The following CA5A variants were observed in gnomAD, a reference collection of about 807,000 sequenced individuals.
The protein encoded by CA5A is carbonic anhydrase 5A, mitochondrial.
Under a neutral mutation model 37.1 loss-of-function variants are expected in CA5A, and 28 were observed. The ratio of observed to expected loss-of-function variants is 0.75; its 90% CI spans 0.56 to 1.03. The LOEUF (loss-of-function observed/expected upper bound fraction) is 1.03. CA5A is among the 50% of genes least tolerant of loss of function. CA5A has a pLI of 0.00. For synonymous variants in CA5A, 171 were observed against 158.4 expected (o/e 1.08, Z -0.60); for missense variants, 444 against 399.9 (o/e 1.11, Z -0.94).
chr16:87,923,981 A>G (rs996572093), intron 2 of CA5A: 10 of 985,122 alleles, frequency 1.0e-5, no homozygotes, highest in Non-Finnish European at 1.1e-5. Context: ...TAACCACATT[A>G]AAACTGAAAA....
At chr16:87,918,098 C>G (rs2056179693) in intron 2 of CA5A, among the ~76,000 whole-genome samples, 1 of 152,224 alleles carries the variant, frequency 6.6e-6, no homozygotes, top group Admixed American at 6.5e-5. Context: ...CCTAGAGCCT[C>G]CTCCTCTGAT....
chr16:87,891,384 C>A (rs1453442959), intron 6 of CA5A, among the ~76,000 whole-genome samples: 1 of 151,384 alleles, frequency 6.6e-6, no homozygotes, highest in Non-Finnish European at 1.5e-5. Context: ...AGGAGAATCG[C>A]TTGAACCCAG....
intron 6 of CA5A, among the ~76,000 whole-genome samples, chr16:87,889,760 A>G (rs569828905): frequency 1.8e-4 from 28 of 152,270 alleles, no homozygotes; most frequent in Middle Eastern, 3.4e-3. Flanking sequence ...AAGAAGAGGG[A>G]AACTCCATCT....
chr16:87,892,546 TAATAATAATA>T (rs2055733758), intron 5 of CA5A, among the ~76,000 whole-genome samples: 3 of 134,660 alleles, frequency 2.2e-5, no homozygotes, highest in Non-Finnish European at 3.2e-5. Flanking sequence ...ATAATAATAA[TAATAATAATA>T]AATTAATTAA....
intron 1 of CA5A, among the ~76,000 whole-genome samples, chr16:87,930,438 A>T (rs1054065322): frequency 4.6e-5 from 7 of 152,126 alleles, no homozygotes; most frequent in Admixed American, 1.3e-4. Flanking sequence ...TGTTCTTTGT[A>T]GACCAGTGGC....
intron 1 of CA5A, among the ~76,000 whole-genome samples, chr16:87,928,525 T>C (rs2056346550): frequency 6.6e-6 from 1 of 152,166 alleles, no homozygotes; most frequent in Non-Finnish European, 1.5e-5. Context: ...GTGTATATTA[T>C]CTTGTAAGTT....
chr16:87,888,508 G>A (rs188855169), intron 6 of CA5A, among the ~76,000 whole-genome samples: 13 of 152,280 alleles, frequency 8.5e-5, no homozygotes, highest in African/African-American at 2.4e-4. Context: ...CATATTGGGA[G>A]GGTACTCAAG....
Position 87,891,788 on chromosome 16 carries a change from G to T in CA5A, c.774+11C>A. On this transcript the variant is annotated intron_variant, in intron 6 of 6. Coordinates refer to ENST00000649794, the MANE Select transcript of CA5A (RefSeq NM_001739.2). The stretch of plus-strand genomic sequence containing the variant: ...TGAAGCGCCATCGTGCCAGTTACGG[G>T]CACGGCTCACCTGGCTTGGGGCCAC... 6.7e-7 allele frequency: 1 copy of T among 1,492,336 alleles called. No individual in the cohort carries two copies. The highest frequency in any genetic ancestry group is 8.9e-7 in the Non-Finnish European group (1 of 1,124,376). The allele number at this position is 1,492,336 out of a possible 1,614,324, so 92.4% of individuals were successfully genotyped here.
chr16:87,917,734 T>G (rs182147902), intron 2 of CA5A, among the ~76,000 whole-genome samples: 1 of 124,228 alleles, frequency 8.0e-6, no homozygotes, highest in Non-Finnish European at 1.5e-5. Flanking sequence ...CACACACACA[T>G]GAACACACAT....
chr16:87,915,805 C>T (rs1361836724), intron 2 of CA5A, among the ~76,000 whole-genome samples: 7 of 151,352 alleles, frequency 4.6e-5, no homozygotes, highest in Non-Finnish European at 1.0e-4. Flanking sequence ...CTTCCCATAA[C>T]CACATGTATT....
At chr16:87,886,555 T>C (rs1435262056), downstream of CA5A, 3 of 152,188 alleles carry the variant, frequency 2.0e-5, no homozygotes, top group Non-Finnish European at 2.9e-5. Context: ...TGGTTCCCCA[T>C]TTGGATATCC....
intron 2 of CA5A, among the ~76,000 whole-genome samples, chr16:87,906,979 G>A (rs1278988131): frequency 1.3e-5 from 2 of 152,124 alleles, no homozygotes; most frequent in East Asian, 1.9e-4. Context: ...CACTTTGGGA[G>A]GCCAAGGCGG....
At chr16:87,923,497 T>A in intron 2 of CA5A, 1 of 974,834 alleles carries the variant, frequency 1.0e-6, no homozygotes, top group Non-Finnish European at 1.2e-6. Flanking sequence ...CTGGCAGTGC[T>A]TTTAAAGGGG....
chr16:87,924,932 C>A (rs2056283845), intron 2 of CA5A, among the ~76,000 whole-genome samples: 2 of 152,236 alleles, frequency 1.3e-5, no homozygotes, highest in African/African-American at 4.8e-5. Flanking sequence ...TTTGCAGTGG[C>A]CATCCCTTCT....
chr16:87,933,930 TG>T (rs149845218), intron 1 of CA5A, among the ~76,000 whole-genome samples: 1,577 of 152,330 alleles, frequency 0.01, 25 homozygotes, highest in African/African-American at 0.036. Context: ...CTCTGTTCAC[TG>T]GGAACAGGTT....
chr16:87,898,198 T>C (rs1567517928), intron 5 of CA5A, among the ~76,000 whole-genome samples: 2 of 152,322 alleles, frequency 1.3e-5, no homozygotes, highest in South Asian at 2.1e-4. Context: ...ACTACGTGAC[T>C]CTGGTCTTTC....
At chr16:87,919,273 C>T (rs553254579) in intron 2 of CA5A, among the ~76,000 whole-genome samples, 5 of 152,198 alleles carry the variant, frequency 3.3e-5, no homozygotes, top group South Asian at 2.1e-4. Flanking sequence ...GTGAGGAGGG[C>T]GCCCCATCCT....
intron 5 of CA5A, among the ~76,000 whole-genome samples, chr16:87,895,858 C>G (rs1385480081): frequency 6.6e-6 from 1 of 152,204 alleles, no homozygotes; most frequent in African/African-American, 2.4e-5. Flanking sequence ...TTCTGATTGC[C>G]AAGTAATATC....
intron 2 of CA5A, among the ~76,000 whole-genome samples, chr16:87,912,776 T>A (rs112569102): frequency 0.011 from 1,727 of 152,314 alleles, 16 homozygotes; most frequent in Non-Finnish European, 0.017. Flanking sequence ...GATGGGTTTC[T>A]ATTTGTCAGG....
Sources: gnomAD v4.1 joint callset for allele counts (sites outside exome capture counted in the v4.1 genomes callset) on GRCh38, gnomAD v4.1.1 for gene constraint, MANE v1.5 for transcripts, NCBI Gene and HGNC (gene_info 2026-07-23, HGNC 2026-07-21) for gene names.